The following GOPC variants were observed in gnomAD, a reference collection of about 807,000 sequenced individuals.
The protein encoded by GOPC is golgi associated PDZ and coiled-coil motif containing.
In GOPC, 32 loss-of-function variants were observed where a neutral mutation model predicts 51.2. That is an observed-to-expected ratio of 0.63 (90% CI 0.47 to 0.84). The LOEUF is 0.84. Among genes scored for constraint, GOPC ranks in the 40% least tolerant of loss-of-function variants. The pLI, the probability that GOPC is intolerant of heterozygous loss-of-function variation, is 0.00. For synonymous variants in GOPC, 190 were observed against 205.1 expected (o/e 0.93, Z 0.63); for missense variants, 441 against 555.5 (o/e 0.79, Z 2.07).
At chr6:117,578,877 A>G (rs767142248) in intron 2 of GOPC, 23 bp downstream of exon 2, 6 of 1,529,594 alleles carry the variant, frequency 3.9e-6, no homozygotes, top group Non-Finnish European at 5.3e-6. Context: ...ATGCAAGGGC[A>G]TGTCACTCTC....
chr6:117,592,013 T>C (rs888852292), intron 1 of GOPC, among the ~76,000 whole-genome samples: 1 of 152,186 alleles, frequency 6.6e-6, no homozygotes, highest in Non-Finnish European at 1.5e-5. Flanking sequence ...TGCTCCTCCT[T>C]TTCCTGTATT....
Position 117,569,672 on chromosome 6 carries a change from C to G in GOPC, c.977G>C (p.Arg326Thr). The G allele has an allele frequency of 6.2e-7, 1 of 1,611,150 alleles. No individual in the cohort carries two copies. The highest frequency in any genetic ancestry group is 8.5e-7 in the Non-Finnish European group (1 of 1,179,022). Residue 326 changes from arginine to threonine, a missense_variant, in exon 7 of 9, where the codon AGA becomes ACA. Transcript: ENST00000368498. ...ATCCCCAACGTGCAGCCCTCCGCAT[C>G]TATCAGCAGGTTGCCCCGGATGGAT... ...SEIHPGQPAD[R>T]CGGLHVGDAI... is the part of the protein sequence containing the mutation.
Position 117,577,442 on chromosome 6 carries a change from A to G in GOPC, c.474+6T>C. Reference sequence around the variant, plus strand: ...TATTAAAGCAAAACAGAAACAATATACTTACCAGCTCCTCCACAGAGGGGC... The same window carrying G: ...TATTAAAGCAAAACAGAAACAATATGCTTACCAGCTCCTCCACAGAGGGGC... On this transcript the variant is annotated splice_donor_region_variant and intron_variant, in intron 3 of 8. Transcript: ENST00000368498. 1 of 1,605,608 alleles carries G rather than the reference A, an allele frequency of 6.2e-7. No homozygotes were observed. Among genetic ancestry groups the G allele is most frequent in the South Asian group, 1.1e-5 (1 of 89,578 alleles).
Position 117,562,993 on chromosome 6 carries a change from C to T in GOPC, c.*261G>A, listed in dbSNP as rs1777629371. The T allele has an allele frequency of 2.4e-6, 1 of 421,132 alleles. No individual in the cohort carries two copies. The highest frequency in any genetic ancestry group is 4.1e-5 in the Admixed American group (1 of 24,516). 26.1% of individuals were successfully genotyped at this position (421,132 alleles called of 1,614,324 possible). A position where few individuals can be genotyped will look rare whatever the true frequency, so the allele number is the denominator to read the frequency against. On this transcript the variant is annotated 3_prime_UTR_variant, in exon 9 of 9. Coordinates refer to ENST00000368498, the MANE Select transcript of GOPC (RefSeq NM_020399.4). Reference sequence around the variant, plus strand: ...TTTGGTACTTAAGAGCCCAGTAATACCCCTTTGGGAAACACATGCTTTGGT... The same window carrying T: ...TTTGGTACTTAAGAGCCCAGTAATATCCCTTTGGGAAACACATGCTTTGGT...
intron 1 of GOPC, among the ~76,000 whole-genome samples, chr6:117,591,323 G>T (rs1393512007): frequency 1.3e-5 from 2 of 152,188 alleles, no homozygotes; most frequent in Non-Finnish European, 2.9e-5. Flanking sequence ...TTCACAAAAA[G>T]ATAATGCTGC....
At chr6:117,576,551 T>C (rs536185294) in intron 3 of GOPC, among the ~76,000 whole-genome samples, 32 of 152,242 alleles carry the variant, frequency 2.1e-4, no homozygotes, top group African/African-American at 6.0e-4. Flanking sequence ...GCTTATGGGC[T>C]AAATAAACTT....
At chr6:117,569,465 T>C in intron 7 of GOPC, 107 bp downstream of exon 7, 2 of 1,404,584 alleles carry the variant, frequency 1.4e-6, no homozygotes, top group South Asian at 1.4e-5. Flanking sequence ...ACAAGAACTA[T>C]GTGTAAACAC....
chr6:117,581,085 T>C (rs1417460161), intron 1 of GOPC, among the ~76,000 whole-genome samples: 2 of 152,114 alleles, frequency 1.3e-5, no homozygotes, highest in East Asian at 3.8e-4. Flanking sequence ...TCAACCATGA[T>C]ATAATCAACA....
intron 6 of GOPC, among the ~76,000 whole-genome samples, 191 bp downstream of exon 6, chr6:117,570,669 T>A (rs545430628): frequency 2.0e-5 from 3 of 152,156 alleles, no homozygotes; most frequent in African/African-American, 7.2e-5. Context: ...AAAGGTACAC[T>A]TAATAGTTGC....
At chr6:117,575,487 T>A in intron 3 of GOPC, 135 bp from the exon 4 acceptor site, 1 of 799,754 alleles carries the variant, frequency 1.3e-6, no homozygotes, top group East Asian at 2.4e-5. Context: ...AAGATCTGGA[T>A]GTAGTTCTTT....
intron 1 of GOPC, among the ~76,000 whole-genome samples, chr6:117,600,000 G>C (rs1464955268): frequency 5.9e-5 from 9 of 152,146 alleles, no homozygotes. Flanking sequence ...TAAATGATAT[G>C]AAATTTCTCG....
chr6:117,596,241 ATTGT>A (rs1229343261), intron 1 of GOPC, among the ~76,000 whole-genome samples: 7 of 150,980 alleles, frequency 4.6e-5, no homozygotes, highest in East Asian at 2.0e-4. Flanking sequence ...TTTTGATGGG[ATTGT>A]TTGTTTTTTT....
At chr6:117,597,401 G>C (rs1308921679) in intron 1 of GOPC, among the ~76,000 whole-genome samples, 1 of 152,118 alleles carries the variant, frequency 6.6e-6, no homozygotes, top group Non-Finnish European at 1.5e-5. Flanking sequence ...TGATTGCTCT[G>C]GCTAGGACTT....
chr6:117,577,586 G>T, intron 2 of GOPC, 115 bp from the exon 3 acceptor site: 1 of 741,294 alleles, frequency 1.3e-6, no homozygotes, highest in Non-Finnish European at 2.2e-6. Flanking sequence ...TTTGGGTAAA[G>T]TTCATTAGAA....
intron 1 of GOPC, among the ~76,000 whole-genome samples, chr6:117,580,444 G>A (rs1779941463): frequency 6.6e-6 from 1 of 152,012 alleles, no homozygotes; most frequent in African/African-American, 2.4e-5. Flanking sequence ...TTATCGAGGA[G>A]ACTAAACTAC....
Position 117,563,268 on chromosome 6 carries a change from T to A in GOPC, c.1375A>T (p.Lys459Ter), listed in dbSNP as rs1345881451. The A allele has an allele frequency of 1.9e-6, 3 of 1,613,186 alleles. No homozygotes were observed. The African/African-American group carries it at 4.0e-5, about 22-fold the overall frequency. The stretch of plus-strand genomic sequence containing the variant: ...ATATGGTCAATTTAATAAGATTTTT[T>A]ATGATACAGAGTGTGCAGATCATCT... The part of the protein sequence containing the change: ...KLDDLHTLYH[K>*]KSY Residue 459 changes from lysine to a stop codon, truncating the protein, a stop_gained, in exon 9 of 9, where the codon AAA becomes TAA. Coordinates refer to ENST00000368498, the MANE Select transcript of GOPC (RefSeq NM_020399.4). LOFTEE classifies it high-confidence loss of function.
At chr6:117,597,876 T>C (rs542830865) in intron 1 of GOPC, among the ~76,000 whole-genome samples, 1 of 151,786 alleles carries the variant, frequency 6.6e-6, no homozygotes, top group South Asian at 2.1e-4. Context: ...GCAATCTATA[T>C]TTCCACAACA....
intron 1 of GOPC, among the ~76,000 whole-genome samples, chr6:117,600,881 A>C (rs1771993728): frequency 6.6e-6 from 1 of 152,244 alleles, no homozygotes; most frequent in South Asian, 2.1e-4. Context: ...GAGAAGAGCC[A>C]CAATTCTTGG....
intron 1 of GOPC, among the ~76,000 whole-genome samples, chr6:117,583,785 C>T (rs1229147177): frequency 6.6e-6 from 1 of 152,108 alleles, no homozygotes; most frequent in Non-Finnish European, 1.5e-5. Context: ...TCTATGAGAA[C>T]TCATGAAATT....
Sources: allele counts gnomAD v4.1 joint callset (sites outside exome capture counted in the v4.1 genomes callset), GRCh38; gene constraint gnomAD v4.1.1; transcripts MANE v1.5; gene names NCBI Gene and HGNC (gene_info 2026-07-23, HGNC 2026-07-21).